Variants in KCNG3 observed in about 807,000 individuals in gnomAD.
The protein encoded by KCNG3 is voltage-gated potassium channel regulatory subunit KCNG3.
In KCNG3, 15 loss-of-function variants were observed where a neutral mutation model predicts 29.0. That is an observed-to-expected ratio of 0.52 (90% CI 0.35 to 0.80). The LOEUF (loss-of-function observed/expected upper bound fraction) is 0.80. Ranked by LOEUF, KCNG3 falls within the 30% of genes least tolerant of loss-of-function variation. The pLI is 0.01. For missense variants in KCNG3, 512 were observed against 605.7 expected (o/e 0.85, Z 1.62); for synonymous variants, 322 against 248.9 (o/e 1.29, Z -2.76).
the KCNG3 span, among the ~76,000 whole-genome samples, chr2:42,436,213 T>G: frequency 1.1e-4 from 17 of 151,968 alleles, no homozygotes; most frequent in Non-Finnish European, 2.1e-4. Context: ...GAAAGTAGAT[T>G]AGTGGTTGCC....
rs7576368 is a variant in KCNG3, at chr2:42,443,850, T to C, written c.*84A>G. 5.8e-3 allele frequency: 7,620 copies of C among 1,311,772 alleles called. 336 individuals carry two copies. In the African/African-American group the frequency reaches 0.098, roughly 17 times the overall value. 81.3% of individuals were successfully genotyped at this position (1,311,772 alleles called of 1,614,324 possible). A position where few individuals can be genotyped will look rare whatever the true frequency, so the allele number is the denominator to read the frequency against. On this transcript the variant is annotated 3_prime_UTR_variant, in exon 2 of 2. Coordinates refer to ENST00000306078, the MANE Select transcript of KCNG3 (RefSeq NM_133329.6). ...CAAGATGATGACAATGCCACTGCAG[T>C]GCTCACCCAGCAAGAAACACATAAA...
At chr2:42,429,717 T>G in the KCNG3 span, among the ~76,000 whole-genome samples, 26,025 of 152,086 alleles carry the variant, frequency 0.17, 2,544 homozygotes, top group African/African-American at 0.28. Flanking sequence ...GCCTAGCTTT[T>G]AAAACCTCTC....
chr2:42,438,193 T>C (rs1672408964), downstream of KCNG3, among the ~76,000 whole-genome samples: 1 of 152,118 alleles, frequency 6.6e-6, no homozygotes, highest in African/African-American at 2.4e-5. Flanking sequence ...CAGATGTCAC[T>C]GCTTGAGCCC....
At chr2:42,456,329 G>T (rs989439983) in intron 1 of KCNG3, among the ~76,000 whole-genome samples, 2 of 152,060 alleles carry the variant, frequency 1.3e-5, no homozygotes, top group Non-Finnish European at 2.9e-5. Flanking sequence ...AGTAGTTCGA[G>T]TCCAGTCTGG....
chr2:42,413,380 G>T, the KCNG3 span, among the ~76,000 whole-genome samples: 1 of 152,086 alleles, frequency 6.6e-6, no homozygotes, highest in Non-Finnish European at 1.5e-5. Flanking sequence ...AGTGATCACA[G>T]ACATACCTGG....
intron 1 of KCNG3, among the ~76,000 whole-genome samples, chr2:42,469,254 T>C (rs530669459): frequency 6.6e-6 from 1 of 151,558 alleles, no homozygotes; most frequent in Non-Finnish European, 1.5e-5. Flanking sequence ...CCATCTCTAC[T>C]AAAAATACAA....
chr2:42,398,738 C>A, the KCNG3 span, among the ~76,000 whole-genome samples: 1 of 152,268 alleles, frequency 6.6e-6, no homozygotes, highest in South Asian at 2.1e-4. Context: ...GGGACAGGAG[C>A]CGGGCTCATT....
chr2:42,477,425 ATATTTTTTTT>A (rs1220873688), intron 1 of KCNG3, among the ~76,000 whole-genome samples: 1 of 42,862 alleles, frequency 2.3e-5, no homozygotes, highest in African/African-American at 6.3e-5. Context: ...ACACACACAT[ATATTTTTTTT>A]TTTTTTTTTT....
At chr2:42,401,436 T>C in the KCNG3 span, among the ~76,000 whole-genome samples, 1 of 150,698 alleles carries the variant, frequency 6.6e-6, no homozygotes, top group Non-Finnish European at 1.5e-5. Flanking sequence ...TTTATATAAA[T>C]ATATATACAT....
the KCNG3 span, among the ~76,000 whole-genome samples, chr2:42,414,662 A>G: frequency 6.6e-6 from 1 of 152,018 alleles, no homozygotes; most frequent in Admixed American, 6.6e-5. Flanking sequence ...CTATCTTCAA[A>G]TATTGCTGTC....
the KCNG3 span, among the ~76,000 whole-genome samples, chr2:42,407,269 G>C: frequency 2.7e-5 from 4 of 148,440 alleles, no homozygotes; most frequent in African/African-American, 5.0e-5. Context: ...TCAACCTCTT[G>C]AGCTCAAGCA....
intron 1 of KCNG3, among the ~76,000 whole-genome samples, chr2:42,454,004 T>A (rs895534559): frequency 6.6e-6 from 1 of 150,464 alleles, no homozygotes; most frequent in Non-Finnish European, 1.5e-5. Context: ...CCAAAGTTAA[T>A]AAGGCCAATG....
At chr2:42,395,454 C>G in the KCNG3 span, among the ~76,000 whole-genome samples, 26,032 of 152,046 alleles carry the variant, frequency 0.17, 2,441 homozygotes, top group African/African-American at 0.26. Context: ...GTAATCCCAG[C>G]ACTTTGGGAC....
At chr2:42,413,832 G>T in the KCNG3 span, 1 of 152,204 alleles carries the variant, frequency 6.6e-6, no homozygotes, top group African/African-American at 2.4e-5. Context: ...AAAACAGCAT[G>T]AGGGTAACCA....
the KCNG3 span, among the ~76,000 whole-genome samples, chr2:42,398,174 G>C: frequency 6.6e-6 from 1 of 151,768 alleles, no homozygotes; most frequent in Non-Finnish European, 1.5e-5. Context: ...AGTGAGCCGA[G>C]ACCGCGCCAC....
chr2:42,464,442 T>A (rs1174868488), intron 1 of KCNG3, among the ~76,000 whole-genome samples: 1 of 152,126 alleles, frequency 6.6e-6, no homozygotes, highest in Non-Finnish European at 1.5e-5. Flanking sequence ...AACAATAAGC[T>A]AAGTGTTTTA....
At chr2:42,452,770 G>GTGT (rs1672792816) in intron 1 of KCNG3, among the ~76,000 whole-genome samples, 1 of 150,104 alleles carries the variant, frequency 6.7e-6, no homozygotes, top group Non-Finnish European at 1.5e-5. Flanking sequence ...CATTCAACTG[G>GTGT]GTGTGTGTGT....
At chr2:42,388,549 T>G in the KCNG3 span, 42,997 of 152,138 alleles carry the variant, frequency 0.28, 6,596 homozygotes, top group East Asian at 0.58. Flanking sequence ...GCTCTCTTCC[T>G]GGCTTGTGGG....
chr2:42,445,286 TG>T (rs1672571797), intron 1 of KCNG3, among the ~76,000 whole-genome samples: 1 of 152,120 alleles, frequency 6.6e-6, no homozygotes, highest in Non-Finnish European at 1.5e-5. Context: ...AGTTCTGAGG[TG>T]GATTGGAAGG....
Sources: allele counts gnomAD v4.1 joint callset (sites outside exome capture counted in the v4.1 genomes callset), GRCh38; gene constraint gnomAD v4.1.1; transcripts MANE v1.5; gene names NCBI Gene and HGNC (gene_info 2026-07-23, HGNC 2026-07-21).